Variants in NIPBL observed in about 807,000 individuals in gnomAD.
NIPBL encodes the protein nipped-B-like protein.
A neutral mutation model predicts 321.8 loss-of-function variants in NIPBL; 19 were observed. The observed-to-expected ratio is 0.06, with a 90% CI of 0.04 to 0.09. The LOEUF (loss-of-function observed/expected upper bound fraction) is 0.09, where lower values mean the gene tolerates loss of function less well. Ranked by LOEUF, NIPBL falls within the 10% of genes least tolerant of loss-of-function variation. NIPBL has a pLI of 1.00. For synonymous variants in NIPBL, 1,106 were observed against 1,114.1 expected, an observed-to-expected ratio of 0.99 and a Z score of 0.14; for missense variants, 2,210 against 3,327.0, an observed-to-expected ratio of 0.66 and a Z score of 8.26.
Position 37,008,016 on chromosome 5 carries a change from T to C in NIPBL, c.4248T>C (p.Ser1416=). 6.2e-7 allele frequency: 1 copy of C among 1,603,460 alleles called. No homozygotes were observed. The highest frequency in any genetic ancestry group is 8.5e-7 in the Non-Finnish European group (1 of 1,170,584). Residue 1416 remains serine, a synonymous_variant, in exon 19 of 47, where the codon TCT becomes TCC. Transcript: ENST00000282516. ...LTDTTILQVS[S]MGITPFFVEN... is the part of the protein sequence containing the mutation. ...TCTTCTTTTTTAAACAGGTTTCATC[T>C]ATGGGAATAACACCATTTTTTGTGG... is the stretch of plus-strand genomic sequence containing the variant.
intron 17 of NIPBL, 133 bp from the exon 18 acceptor site, chr5:37,007,190 A>G (rs183830750): frequency 2.8e-6 from 2 of 716,124 alleles, no homozygotes; most frequent in Admixed American, 5.2e-5. Flanking sequence ...ATTTTAATAA[A>G]TAAAAAGCTT....
At chr5:36,952,072 G>GCC (rs1328676967) in intron 1 of NIPBL, among the ~76,000 whole-genome samples, 1 of 136,632 alleles carries the variant, frequency 7.3e-6, no homozygotes, top group Admixed American at 7.3e-5. Context: ...GCGCGCGCGC[G>GCC]CATGTGTGTG....
At chr5:37,008,761 C>A in intron 20 of NIPBL, 38 bp downstream of exon 20, 1 of 993,116 alleles carries the variant, frequency 1.0e-6, no homozygotes, top group Non-Finnish European at 1.6e-6. Flanking sequence ...TAATGAAGAA[C>A]CACCATTATA....
chr5:37,051,767 T>C lies in NIPBL; in HGVS notation c.6955-12T>C. On this transcript the variant is annotated splice_polypyrimidine_tract_variant and intron_variant, in intron 40 of 46. Transcript: ENST00000282516. ...TACCATGATATCTCGTAATTTTTTTTTTTATTTCCAGTGTGTGCCATATTT... is the reference window on the plus strand; with the variant it reads ...TACCATGATATCTCGTAATTTTTTTCTTTATTTCCAGTGTGTGCCATATTT... 1 of 1,596,414 alleles carries C rather than the reference T, an allele frequency of 6.3e-7. No homozygotes were observed. The highest frequency in any genetic ancestry group is 8.6e-7 in the Non-Finnish European group (1 of 1,163,930).
intron 7 of NIPBL, 38 bp from the exon 8 acceptor site, chr5:36,971,907 C>T (rs1417124449): frequency 1.3e-6 from 2 of 1,576,334 alleles, no homozygotes; most frequent in Admixed American, 1.7e-5. Flanking sequence ...AAAGCCTCTC[C>T]TGTCATTCAA....
At chr5:36,983,606 A>G (rs1744395705) in intron 9 of NIPBL, among the ~76,000 whole-genome samples, 1 of 152,016 alleles carries the variant, frequency 6.6e-6, no homozygotes, top group Non-Finnish European at 1.5e-5. Flanking sequence ...AGTGACTTTT[A>G]AAACATACTC....
intron 1 of NIPBL, among the ~76,000 whole-genome samples, chr5:36,888,073 A>G (rs892027701): frequency 6.6e-6 from 1 of 152,112 alleles, no homozygotes; most frequent in Non-Finnish European, 1.5e-5. Flanking sequence ...CCCCTTCCCC[A>G]ATGTTTTGAT....
At chr5:36,976,501 A>G (rs1485979148) in intron 9 of NIPBL, 99 bp downstream of exon 9, 1 of 1,169,346 alleles carries the variant, frequency 8.6e-7, no homozygotes, top group Non-Finnish European at 1.2e-6. Flanking sequence ...AATATTTTGT[A>G]TAATTTATGT....
chr5:36,977,334 T>C (rs1344246250), intron 9 of NIPBL, among the ~76,000 whole-genome samples: 1 of 152,020 alleles, frequency 6.6e-6, no homozygotes, highest in Non-Finnish European at 1.5e-5. Context: ...TGGGTAGAGC[T>C]GATTTTTATA....
chr5:36,905,908 A>G (rs1289704558), intron 1 of NIPBL, among the ~76,000 whole-genome samples: 1 of 151,954 alleles, frequency 6.6e-6, no homozygotes, highest in Non-Finnish European at 1.5e-5. Flanking sequence ...ACACCCAGCT[A>G]ATTTTTTTTG....
intron 1 of NIPBL, among the ~76,000 whole-genome samples, chr5:36,937,287 A>G (rs1051992027): frequency 6.6e-6 from 1 of 152,148 alleles, no homozygotes; most frequent in Non-Finnish European, 1.5e-5. Context: ...CCTTGCCTTA[A>G]TTAATAAAAC....
intron 9 of NIPBL, among the ~76,000 whole-genome samples, chr5:36,983,151 C>G (rs1744336724): frequency 1.3e-5 from 2 of 151,698 alleles, no homozygotes; most frequent in South Asian, 4.1e-4. Flanking sequence ...TAGAAAACTT[C>G]CTATAAATTC....
intron 6 of NIPBL, 34 bp downstream of exon 6, chr5:36,962,308 T>G: frequency 6.2e-7 from 1 of 1,611,652 alleles, no homozygotes; most frequent in East Asian, 2.2e-5. Flanking sequence ...ACTGGGAATG[T>G]CTAAGTGCTT....
intron 1 of NIPBL, among the ~76,000 whole-genome samples, chr5:36,878,819 T>C (rs1316144384): frequency 1.3e-5 from 2 of 152,194 alleles, no homozygotes; most frequent in Non-Finnish European, 2.9e-5. Flanking sequence ...GTGATTTGTA[T>C]TGGTCAGGGA....
At chr5:36,930,431 G>T (rs548202175) in intron 1 of NIPBL, among the ~76,000 whole-genome samples, 25 of 151,698 alleles carry the variant, frequency 1.6e-4, no homozygotes, top group African/African-American at 6.0e-4. Flanking sequence ...GCTTTTTTTT[G>T]ATTCTAGTTG....
chr5:37,038,512 G>A (rs150708320), intron 33 of NIPBL, 90 bp from the exon 34 acceptor site: 5 of 1,182,484 alleles, frequency 4.2e-6, no homozygotes, highest in East Asian at 5.1e-5. Flanking sequence ...CCTATTTAGG[G>A]GATAATATTA....
intron 10 of NIPBL, among the ~76,000 whole-genome samples, chr5:36,993,884 G>A (rs775398514): frequency 6.6e-6 from 1 of 152,106 alleles, no homozygotes; most frequent in African/African-American, 2.4e-5. Flanking sequence ...GTGAACCAGA[G>A]TTAGGCAATC....
intron 1 of NIPBL, among the ~76,000 whole-genome samples, chr5:36,942,368 G>A (rs952789639): frequency 6.9e-6 from 1 of 144,036 alleles, no homozygotes; most frequent in Admixed American, 7.1e-5. Context: ...GGAGTCGGAG[G>A]TTGCAGTGAG....
rs189001780 is a variant in NIPBL at position 37,063,705 on chromosome 5, T to C, written c.7861-85T>C. 4.7e-4 allele frequency: 642 copies of C among 1,369,128 alleles called. 6 individuals are homozygous for C. In the East Asian group the frequency reaches 0.012, roughly 27 times the overall value. 84.8% of individuals were successfully genotyped at this position (1,369,128 alleles called of 1,614,324 possible). ...AACGTCTGTTTCACCCACACCAAAC[T>C]ACTGCCATAGAAAACATTTAGGAAT... is the stretch of plus-strand genomic sequence containing the variant. On this transcript the variant is annotated intron_variant, in intron 45 of 46. Transcript: ENST00000282516.
Sources: allele counts gnomAD v4.1 joint callset (sites outside exome capture counted in the v4.1 genomes callset), GRCh38; gene constraint gnomAD v4.1.1; transcripts MANE v1.5; gene names NCBI Gene and HGNC (gene_info 2026-07-23, HGNC 2026-07-21).